The following NIN variants were observed in gnomAD, a reference collection of about 807,000 sequenced individuals.
The protein encoded by NIN is ninein, also known as glycogen synthase kinase 3 beta-interacting protein.
Under a neutral mutation model 257.6 loss-of-function variants are expected in NIN, and 137 were observed. The observed-to-expected ratio is 0.53, with a 90% CI of 0.46 to 0.61. NIN has a LOEUF of 0.61. Ranked by LOEUF, NIN falls within the 20% of genes least tolerant of loss-of-function variation. NIN has a pLI of 0.00. For missense variants in NIN, 2,439 were observed against 2,501.2 expected, an observed-to-expected ratio of 0.98 and a Z score of 0.53; for synonymous variants, 918 against 919.8, an observed-to-expected ratio of 1.00 and a Z score of 0.04.
chr14:50,792,959 C>G (rs997861475), intron 4 of NIN, 78 bp from the exon 5 acceptor site: 44 of 1,464,088 alleles, frequency 3.0e-5, no homozygotes, highest in Non-Finnish European at 4.1e-5. Context: ...CCATCGGACA[C>G]AGCCTCTTAT....
At chr14:50,752,841 T>A in intron 20 of NIN, 108 bp from the exon 21 acceptor site, 1 of 582,844 alleles carries the variant, frequency 1.7e-6, no homozygotes, top group Non-Finnish European at 2.9e-6. Flanking sequence ...TATATAAAGT[T>A]TAAAATATAT....
Position 50,808,249 on chromosome 14 carries a change from G to C in NIN, c.184-1431C>G, listed in dbSNP as rs978649346. 2.3e-4 allele frequency among the ~76,000 whole-genome samples: 35 copies of C among 152,158 alleles called. 1 individual carries two copies. The highest frequency in any genetic ancestry group is 8.4e-4 in the African/African-American group (35 of 41,424). The stretch of plus-strand genomic sequence containing the variant: ...ACAGCCAAACATCCTGGGGGAGGGA[G>C]GGGCGGCCAGGTCCTGCTACTGTCC... On this transcript the variant is annotated intron_variant, in intron 3 of 30. Transcript: ENST00000530997.
chr14:50,797,988 G>A (rs1640225140), intron 4 of NIN, among the ~76,000 whole-genome samples: 2 of 152,052 alleles, frequency 1.3e-5, no homozygotes, highest in East Asian at 1.9e-4. Flanking sequence ...GGAGTTGGGA[G>A]GGGAACGTCT....
chr14:50,780,857 TAAC>T (rs1298098782), intron 5 of NIN, among the ~76,000 whole-genome samples: 1 of 152,184 alleles, frequency 6.6e-6, no homozygotes, highest in African/African-American at 2.4e-5. Context: ...TTGCTTGTGA[TAAC>T]AATTTCATCA....
intron 5 of NIN, among the ~76,000 whole-genome samples, chr14:50,784,421 G>A (rs1416051311): frequency 6.6e-6 from 1 of 152,190 alleles, no homozygotes; most frequent in Non-Finnish European, 1.5e-5. Flanking sequence ...TTCCTCATGA[G>A]TACATGAATA....
intron 4 of NIN, among the ~76,000 whole-genome samples, chr14:50,794,983 T>C (rs911668992): frequency 1.3e-5 from 2 of 152,192 alleles, no homozygotes; most frequent in African/African-American, 4.8e-5. Context: ...CTGTGGAGTT[T>C]TGGTTTATTT....
At chr14:50,760,410 G>T (rs760428368) in intron 16 of NIN, 51 bp from the exon 17 acceptor site, 9 of 898,856 alleles carry the variant, frequency 1.0e-5, no homozygotes, top group Admixed American at 2.4e-5. Context: ...CAAGGTCACT[G>T]AAAGTGAAGT....
chr14:50,730,840 T>A, intron 28 of NIN: 4 of 1,108,308 alleles, frequency 3.6e-6, no homozygotes, highest in Non-Finnish European at 4.8e-6. Flanking sequence ...TATTAACTGT[T>A]ACAATCAACA....
In NIN at chr14:50,754,739, T is replaced by TA; in HGVS notation, c.4664+2dup. 1.9e-6 allele frequency: 3 copies of TA among 1,585,758 alleles called. No homozygotes were observed. The highest frequency in any genetic ancestry group is 2.6e-6 in the Non-Finnish European group (3 of 1,164,738). The stretch of plus-strand genomic sequence containing the variant: ...CTTAGGAAAATGTAAGTATACGTCT[T>TA]ACCACATTTCTTCCTGAGATCCATT... On this transcript the variant is annotated splice_region_variant and intron_variant, in intron 19 of 30. Coordinates refer to ENST00000530997, the MANE Select transcript of NIN (RefSeq NM_020921.4).
At chr14:50,784,867 C>T (rs2043277223) in intron 5 of NIN, among the ~76,000 whole-genome samples, 1 of 152,186 alleles carries the variant, frequency 6.6e-6, no homozygotes, top group Non-Finnish European at 1.5e-5. Flanking sequence ...AGACAGTGTC[C>T]CCTAGGCAGC....
At chr14:50,768,616 G>A (rs576933397) in intron 12 of NIN, among the ~76,000 whole-genome samples, 211 of 152,282 alleles carry the variant, frequency 1.4e-3, no homozygotes, top group South Asian at 9.7e-3. Context: ...AGTGGGGTGG[G>A]GGAGGGCATG....
At chr14:50,828,995 GC>G (rs1370884139) in intron 2 of NIN, among the ~76,000 whole-genome samples, 3 of 152,072 alleles carry the variant, frequency 2.0e-5, no homozygotes, top group Non-Finnish European at 4.4e-5. Context: ...CCTCTCTATT[GC>G]CCCCTGTGAA....
In NIN at chr14:50,758,061, A is replaced by T. The variant is rs2042115456; in HGVS notation, c.2969T>A (p.Met990Lys). 1 of 1,613,978 alleles carries T rather than the reference A, an allele frequency of 6.2e-7. No individual in the cohort carries two copies. The highest frequency in any genetic ancestry group is 8.5e-7 in the Non-Finnish European group (1 of 1,180,026). ...RQEMMSKLLA[M>K]ENIHKATCET... ...ACAGGTCGCTTTGTGAATGTTCTCC[A>T]TGGCTAGAAGCTTGGACATCATTTC... Residue 990 changes from methionine (M) to lysine (K), a missense_variant, in exon 18 of 31, where the codon ATG becomes AAG. Around this residue, in one of 3 missense-constraint regions of NIN, gnomAD observed 2,043 missense variants for 2,050.2 expected, o/e 1.00. Transcript: ENST00000530997.
chr14:50,723,700 C>T (rs763318337), intron 30 of NIN, 28 bp from the exon 31 acceptor site: 3 of 1,598,422 alleles, frequency 1.9e-6, no homozygotes, highest in Non-Finnish European at 2.6e-6. Flanking sequence ...AACATCTTGA[C>T]TCCATTTCTG....
chr14:50,821,620 T>C (rs1415709312), intron 3 of NIN, among the ~76,000 whole-genome samples: 2 of 152,200 alleles, frequency 1.3e-5, no homozygotes, highest in Non-Finnish European at 2.9e-5. Flanking sequence ...AGAAAAAAGT[T>C]GGAAAACATC....
intron 3 of NIN, among the ~76,000 whole-genome samples, chr14:50,811,982 G>T (rs545114611): frequency 6.6e-6 from 1 of 151,416 alleles, no homozygotes; most frequent in African/African-American, 2.4e-5. Flanking sequence ...GTAGCTGGGC[G>T]TGGTGGCAGT....
intron 14 of NIN, among the ~76,000 whole-genome samples, chr14:50,764,845 T>C (rs1210706529): frequency 6.6e-6 from 1 of 150,786 alleles, no homozygotes; most frequent in African/African-American, 2.4e-5. Context: ...GGAGAAGGGG[T>C]TTCTTCCTGG....
chr14:50,789,669 G>C (rs2043499561), intron 5 of NIN, among the ~76,000 whole-genome samples: 1 of 152,232 alleles, frequency 6.6e-6, no homozygotes, highest in African/African-American at 2.4e-5. Context: ...ACGTCATTGA[G>C]AATTTTTTTT....
intron 4 of NIN, among the ~76,000 whole-genome samples, chr14:50,800,313 T>C (rs1361368222): frequency 6.6e-6 from 1 of 152,176 alleles, no homozygotes; most frequent in Admixed American, 6.5e-5. Context: ...TCTGAAAGGC[T>C]TGAGATCAGA....
Sources: allele counts gnomAD v4.1 joint callset (sites outside exome capture counted in the v4.1 genomes callset), GRCh38; gene constraint gnomAD v4.1.1; regional missense constraint gnomAD v4.1.1; transcripts MANE v1.5; gene names NCBI Gene and HGNC (gene_info 2026-07-23, HGNC 2026-07-21).